BEST3: variants seen among roughly 807,000 people sequenced by gnomAD.
BEST3 encodes the protein bestrophin-3.
A neutral mutation model predicts 47.1 loss-of-function variants in BEST3; 50 were observed. That is an observed-to-expected ratio of 1.06 (90% CI 0.85 to 1.34). The LOEUF (loss-of-function observed/expected upper bound fraction) is 1.34. BEST3 is among the 40% of genes most tolerant of loss of function. The pLI is 0.00. For missense variants in BEST3, 765 were observed against 817.0 expected (o/e 0.94, Z 0.78); for synonymous variants, 282 against 298.8 (o/e 0.94, Z 0.58).
chr12:69,648,838 T>C (rs142783627), downstream of BEST3, among the ~76,000 whole-genome samples: 79 of 152,260 alleles, frequency 5.2e-4, no homozygotes, highest in African/African-American at 1.8e-3. Context: ...AACTATTTTC[T>C]ACAAAAAAGT....
At chr12:69,644,786 A>G (rs1371286722) in intron 9 of BEST3, among the ~76,000 whole-genome samples, 1 of 152,186 alleles carries the variant, frequency 6.6e-6, no homozygotes, top group Non-Finnish European at 1.5e-5. Flanking sequence ...TGCTAGTAGT[A>G]TGTTTAATGC....
downstream of BEST3, among the ~76,000 whole-genome samples, chr12:69,650,701 A>T (rs78337584): frequency 3.3e-4 from 50 of 152,274 alleles, 1 homozygote; most frequent in East Asian, 9.5e-3. Flanking sequence ...TAGTGGAGAA[A>T]ACAGAAGCAA....
chr12:69,688,436 G>A (rs1885761593), intron 4 of BEST3, among the ~76,000 whole-genome samples: 1 of 152,154 alleles, frequency 6.6e-6, no homozygotes, highest in South Asian at 2.1e-4. Flanking sequence ...TTTCATATAA[G>A]CAGAAACAAA....
chr12:69,688,597 T>C (rs900041277), intron 4 of BEST3, among the ~76,000 whole-genome samples: 6 of 152,194 alleles, frequency 3.9e-5, no homozygotes, highest in African/African-American at 1.4e-4. Context: ...GATGAGCAGG[T>C]ATGTGACCTA....
At chr12:69,694,504 T>C in intron 2 of BEST3, 40 bp from the exon 3 acceptor site, 2 of 1,121,646 alleles carry the variant, frequency 1.8e-6, no homozygotes, top group Non-Finnish European at 2.6e-6. Context: ...TATGATATTA[T>C]ACTTCTGCAC....
chr12:69,672,247 G>A lies in BEST3; in HGVS notation c.948+638C>T, dbSNP rs74976761. 1.4e-3 allele frequency among the ~76,000 whole-genome samples: 214 copies of A among 152,300 alleles called. 2 individuals carry two copies. The highest frequency in any genetic ancestry group is 4.9e-3 in the African/African-American group (202 of 41,562). ...AGATGTTTGAACTTACTTAACTGCC[G>A]AGTAAGGGCTTGAAACAAATGAAAA... On this transcript the variant is annotated intron_variant, in intron 8 of 9. Transcript: ENST00000330891.
rs1462531581 is a variant in BEST3, at chr12:69,671,429, C to G, written c.1099G>C (p.Gly367Arg). 6.2e-7 allele frequency: 1 copy of G among 1,609,820 alleles called. No individual in the cohort carries two copies. Among genetic ancestry groups the G allele is most frequent in the Non-Finnish European group, 8.5e-7 (1 of 1,177,644 alleles). ...GAGATTTTTTAAAAATGCACTTACC[C>G]CATCTGGACTGTTGACCCCAGAAAT... ...PSFLGSTVQM[G>R]LSGSDFPDEE... Residue 367 changes from glycine to arginine, a missense_variant and splice_region_variant, in exon 9 of 10, where the codon GGG becomes CGG. Coordinates refer to ENST00000330891, the MANE Select transcript of BEST3 (RefSeq NM_032735.3).
intron 4 of BEST3, among the ~76,000 whole-genome samples, chr12:69,680,353 G>A (rs1347078094): frequency 1.6e-5 from 2 of 123,058 alleles, no homozygotes; most frequent in African/African-American, 7.2e-5. Context: ...CTGTCACCCA[G>A]GCTGGAGTGC....
intron 9 of BEST3, among the ~76,000 whole-genome samples, chr12:69,666,737 A>C (rs1392397551): frequency 6.6e-6 from 1 of 152,202 alleles, no homozygotes; most frequent in Non-Finnish European, 1.5e-5. Flanking sequence ...CATGCTGGCC[A>C]TCTCCATGTG....
chr12:69,649,876 G>A (rs748516122), downstream of BEST3, among the ~76,000 whole-genome samples: 10 of 152,148 alleles, frequency 6.6e-5, no homozygotes, highest in Non-Finnish European at 1.2e-4. Context: ...TTTTAGAAAC[G>A]TTCTTATTTG....
intron 4 of BEST3, 47 bp from the exon 5 acceptor site, chr12:69,678,940 A>G (rs777962994): frequency 1.8e-5 from 26 of 1,446,548 alleles, no homozygotes; most frequent in Middle Eastern, 1.8e-4. Context: ...TTAGTTTGAC[A>G]CTAATACGTT....
intron 9 of BEST3, among the ~76,000 whole-genome samples, chr12:69,665,382 C>G (rs1884130970): frequency 1.3e-5 from 2 of 152,196 alleles, no homozygotes; most frequent in Non-Finnish European, 2.9e-5. Flanking sequence ...CACTTGAGGT[C>G]AGCAGTTCAA....
chr12:69,693,245 C>CTTT (rs71094730), intron 4 of BEST3, among the ~76,000 whole-genome samples: 5 of 136,656 alleles, frequency 3.7e-5, no homozygotes, highest in Non-Finnish European at 4.6e-5. Flanking sequence ...CTCTCTCTCT[C>CTTT]TTTTTTTTTT....
In BEST3 at chr12:69,646,622, C is replaced by G. The variant is rs193227142; in HGVS notation, c.1101-2835G>C. Among the ~76,000 whole-genome samples, 12 of 152,280 alleles carry G rather than the reference C, an allele frequency of 7.9e-5. No individual in the cohort carries two copies. In the East Asian group the frequency reaches 2.3e-3, roughly 29 times the overall value. ...AGAAGGGCATTGTCCCACCTGGCCC[C>G]TCACCAGCTAAACCTTTTTCCCTGC... On this transcript the variant is annotated intron_variant, in intron 9 of 9. Coordinates refer to the BEST3 transcript ENST00000331471.
intron 9 of BEST3, among the ~76,000 whole-genome samples, chr12:69,667,189 T>C (rs906449447): frequency 2.6e-5 from 4 of 152,250 alleles, no homozygotes; most frequent in Non-Finnish European, 2.9e-5. Flanking sequence ...ACTCTGAGTA[T>C]ACTATTTATT....
chr12:69,658,311 G>A (rs561720005), intron 9 of BEST3, among the ~76,000 whole-genome samples: 1 of 152,204 alleles, frequency 6.6e-6, no homozygotes, highest in Non-Finnish European at 1.5e-5. Flanking sequence ...TTATGCCCTG[G>A]TATAGGACAT....
chr12:69,655,781 C>T lies in BEST3; in HGVS notation c.1133G>A (p.Trp378Ter). The T allele has an allele frequency of 6.2e-7, 1 of 1,611,086 alleles. No individual in the cohort carries two copies. Among genetic ancestry groups the T allele is most frequent in the Non-Finnish European group, 8.5e-7 (1 of 1,177,758 alleles). Reference sequence around the variant, plus strand: ...GCCATGCTTCTCATAATCCCACAGCCACTCCTCGTCAGGAAAGTCGGACCC... The same window carrying T: ...GCCATGCTTCTCATAATCCCACAGCTACTCCTCGTCAGGAAAGTCGGACCC... ...LSGSDFPDEE[W>*]LWDYEKHGHR... The change falls in exon 10 of 10, where the codon TGG becomes TAG. Residue 378 changes from tryptophan (W) to a stop codon, truncating the protein, a stop_gained. Transcript: ENST00000330891. LOFTEE classifies it low-confidence loss of function (END_TRUNC).
chr12:69,678,030 A>C (rs938127393), intron 5 of BEST3, among the ~76,000 whole-genome samples: 1 of 152,232 alleles, frequency 6.6e-6, no homozygotes, highest in African/African-American at 2.4e-5. Flanking sequence ...AATGGAGACT[A>C]TAACACTCAT....
chr12:69,670,173 C>G, intron 9 of BEST3: 1 of 334,168 alleles, frequency 3.0e-6, no homozygotes, highest in Non-Finnish European at 5.6e-6. Context: ...TGAAGCTCTG[C>G]CCCTGCAGAA....
Sources: allele counts gnomAD v4.1 joint callset (sites outside exome capture counted in the v4.1 genomes callset), GRCh38; gene constraint gnomAD v4.1.1; transcripts MANE v1.5; gene names NCBI Gene and HGNC (gene_info 2026-07-23, HGNC 2026-07-21).